Variants in MYO3B observed in about 807,000 individuals in gnomAD.
The protein encoded by MYO3B is myosin-IIIb.
A neutral mutation model predicts 174.6 loss-of-function variants in MYO3B; 156 were observed. The ratio of observed to expected loss-of-function variants is 0.89; its 90% CI spans 0.78 to 1.02. The LOEUF (loss-of-function observed/expected upper bound fraction) is 1.02. Ranked by LOEUF, MYO3B falls within the 50% of genes least tolerant of loss-of-function variation. MYO3B has a pLI of 0.00. For synonymous variants in MYO3B, 563 were observed against 569.1 expected (o/e 0.99, Z 0.15); for missense variants, 1,632 against 1,639.4 (o/e 1.00, Z 0.08).
chr2:170,569,275 T>C (rs147515185), intron 32 of MYO3B, among the ~76,000 whole-genome samples: 3 of 152,234 alleles, frequency 2.0e-5, no homozygotes, highest in African/African-American at 7.2e-5. Context: ...AGTCTCACTT[T>C]TGCATCTCCC....
At chr2:170,572,618 A>AG (rs1163753275) in intron 32 of MYO3B, among the ~76,000 whole-genome samples, 1 of 151,402 alleles carries the variant, frequency 6.6e-6, no homozygotes, top group African/African-American at 2.4e-5. Context: ...AAAAAAAAAA[A>AG]AAAAAAGGTA....
intron 32 of MYO3B, among the ~76,000 whole-genome samples, chr2:170,559,735 A>G (rs528824941): frequency 2.0e-3 from 301 of 152,202 alleles, no homozygotes; most frequent in Non-Finnish European, 2.6e-3. Flanking sequence ...TCCCACTTTC[A>G]AATCATGCAC....
chr2:170,258,856 G>A lies in MYO3B; in HGVS notation c.749+22720G>A, dbSNP rs574813966. Among the ~76,000 whole-genome samples, 229 of 152,140 alleles carry A rather than the reference G, an allele frequency of 1.5e-3. 2 individuals carry two copies. The highest frequency in any genetic ancestry group is 4.7e-3 in the African/African-American group (194 of 41,546). Reference sequence around the variant, plus strand: ...TAAAAGGCTCCTAGAACTGATAAACGACTTCAGTAAAGCTTCAGGATACAA... The same window carrying A: ...TAAAAGGCTCCTAGAACTGATAAACAACTTCAGTAAAGCTTCAGGATACAA... On this transcript the variant is annotated intron_variant, in intron 7 of 34. Coordinates refer to ENST00000408978, the MANE Select transcript of MYO3B (RefSeq NM_138995.5).
At chr2:170,383,357 C>T (rs1340234134) in intron 11 of MYO3B, among the ~76,000 whole-genome samples, 168 bp downstream of exon 11, 2 of 152,156 alleles carry the variant, frequency 1.3e-5, no homozygotes, top group African/African-American at 4.8e-5. Context: ...CTTGAGAATA[C>T]CTTTTTAAAG....
intron 1 of MYO3B, among the ~76,000 whole-genome samples, chr2:170,195,101 TCTCCTTTTGCAACACCCTCACAGA>T (rs1324527629): frequency 1.1e-4 from 17 of 151,802 alleles, no homozygotes; most frequent in African/African-American, 3.9e-4. Flanking sequence ...CAAATGTTAA[TCTCCTTTTGCAACACCCTCACAGA>T]CACCTCCAGT....
rs1306801692 is a variant in MYO3B at position 170,308,731 on chromosome 2, C to T, written c.750-26654C>T. ...TATTATAGTTACTCATTCCTTCTCA[C>T]ATTCCTACACACCTTTCCCTGTTGG... On this transcript the variant is annotated intron_variant, in intron 7 of 34. Transcript: ENST00000408978. Among the ~76,000 whole-genome samples, 3 of 152,160 alleles carry T rather than the reference C, an allele frequency of 2.0e-5. 1 individual carries two copies. The South Asian group carries it at 6.2e-4, about 32-fold the overall frequency.
chr2:170,516,196 C>A (rs776129821), intron 29 of MYO3B, among the ~76,000 whole-genome samples: 3 of 152,136 alleles, frequency 2.0e-5, no homozygotes, highest in Non-Finnish European at 4.4e-5. Context: ...ACAAATCCCA[C>A]GATTCCCCAT....
chr2:170,399,587 A>G (rs1368672094), intron 16 of MYO3B, among the ~76,000 whole-genome samples: 2 of 152,120 alleles, frequency 1.3e-5, no homozygotes, highest in African/African-American at 4.8e-5. Context: ...TCCTGACTTC[A>G]TAACTATATA....
intron 9 of MYO3B, among the ~76,000 whole-genome samples, chr2:170,374,758 TACAC>T (rs201921789): frequency 0.08 from 11,167 of 139,906 alleles, 457 homozygotes; most frequent in African/African-American, 0.11. Flanking sequence ...TATGCATACA[TACAC>T]ACACACACAC....
intron 23 of MYO3B, among the ~76,000 whole-genome samples, chr2:170,461,388 A>T (rs1177515283): frequency 6.8e-6 from 1 of 146,496 alleles, no homozygotes; most frequent in Non-Finnish European, 1.5e-5. Flanking sequence ...GCAGGAAAAC[A>T]CTTCAACCCC....
intron 32 of MYO3B, among the ~76,000 whole-genome samples, chr2:170,557,906 G>A (rs997077809): frequency 2.0e-5 from 3 of 152,092 alleles, no homozygotes; most frequent in East Asian, 1.9e-4. Flanking sequence ...GATCAAGGTG[G>A]TTGTTTATTT....
chr2:170,420,344 A>G (rs967081867), intron 22 of MYO3B, among the ~76,000 whole-genome samples: 3 of 152,228 alleles, frequency 2.0e-5, no homozygotes, highest in Admixed American at 6.5e-5. Flanking sequence ...CTGAGTCCAC[A>G]TGGGTGAGGG....
chr2:170,583,357 G>A (rs1693279317), intron 32 of MYO3B, among the ~76,000 whole-genome samples: 2 of 152,070 alleles, frequency 1.3e-5, no homozygotes, highest in Admixed American at 1.3e-4. Flanking sequence ...TGCAGGCCTC[G>A]AAGAACATGG....
intron 27 of MYO3B, among the ~76,000 whole-genome samples, chr2:170,500,929 C>T (rs765847400): frequency 6.6e-6 from 1 of 152,094 alleles, no homozygotes; most frequent in Non-Finnish European, 1.5e-5. Flanking sequence ...CATTTAAGTT[C>T]CTGTGCAATA....
At chr2:170,541,341 T>C (rs1690093228) in intron 30 of MYO3B, among the ~76,000 whole-genome samples, 1 of 152,178 alleles carries the variant, frequency 6.6e-6, no homozygotes, top group South Asian at 2.1e-4. Context: ...GTGAGTCCTT[T>C]GGGCCAATGC....
intron 7 of MYO3B, among the ~76,000 whole-genome samples, chr2:170,320,794 A>G (rs1227956300): frequency 6.6e-6 from 1 of 152,188 alleles, no homozygotes; most frequent in Non-Finnish European, 1.5e-5. Context: ...TACAACTGGA[A>G]ATAAACAAAC....
intron 32 of MYO3B, among the ~76,000 whole-genome samples, chr2:170,578,248 G>A (rs201750549): frequency 1.3e-5 from 2 of 152,236 alleles, no homozygotes; most frequent in Non-Finnish European, 2.9e-5. Flanking sequence ...TCTTGGGGTC[G>A]TGATGTCTGG....
At chr2:170,498,523 C>T in intron 25 of MYO3B, 69 bp from the exon 26 acceptor site, 1 of 1,055,514 alleles carries the variant, frequency 9.5e-7, no homozygotes, top group Non-Finnish European at 1.4e-6. Flanking sequence ...GTCAATGGTC[C>T]CGAGTAATTC....
chr2:170,585,274 G>A (rs764041806), intron 32 of MYO3B, among the ~76,000 whole-genome samples: 2 of 152,146 alleles, frequency 1.3e-5, no homozygotes, highest in African/African-American at 4.8e-5. Flanking sequence ...ATGCATCCCA[G>A]GTGAGTAATG....
Sources: allele counts gnomAD v4.1 joint callset (sites outside exome capture counted in the v4.1 genomes callset), GRCh38; gene constraint gnomAD v4.1.1; transcripts MANE v1.5; gene names NCBI Gene and HGNC (gene_info 2026-07-23, HGNC 2026-07-21).